Variants in TSPAN11 observed in about 807,000 individuals in gnomAD.
TSPAN11 encodes tetraspanin 11.
A neutral mutation model predicts 32.9 loss-of-function variants in TSPAN11; 29 were observed. The ratio of observed to expected loss-of-function variants is 0.88; its 90% CI spans 0.66 to 1.20. The LOEUF (loss-of-function observed/expected upper bound fraction) is 1.20. TSPAN11 is among the 50% of genes most tolerant of loss of function. The pLI is 0.00. For missense variants in TSPAN11, 283 were observed against 329.1 expected, an observed-to-expected ratio of 0.86 and a Z score of 1.08; for synonymous variants, 140 against 141.3, an observed-to-expected ratio of 0.99 and a Z score of 0.07.
chr12:30,976,963 C>T (rs908350781), intron 3 of TSPAN11, among the ~76,000 whole-genome samples: 7 of 152,168 alleles, frequency 4.6e-5, no homozygotes, highest in Non-Finnish European at 8.8e-5. Flanking sequence ...TGCATTTGTG[C>T]TCTTGGCCTC....
intron 1 of TSPAN11, among the ~76,000 whole-genome samples, chr12:30,929,475 T>C (rs1361623776): frequency 6.6e-6 from 1 of 152,192 alleles, no homozygotes; most frequent in African/African-American, 2.4e-5. Flanking sequence ...CCCATCTATA[T>C]CTGAGACAGG....
intron 2 of TSPAN11, 87 bp downstream of exon 2, chr12:30,954,162 T>A (rs751154710): frequency 1.1e-6 from 1 of 926,958 alleles, no homozygotes; most frequent in Non-Finnish European, 1.8e-6. Context: ...CACTTTGAGG[T>A]TGATATCTTC....
chr12:30,950,837 T>C (rs967866693), intron 1 of TSPAN11, among the ~76,000 whole-genome samples: 1 of 152,122 alleles, frequency 6.6e-6, no homozygotes, highest in African/African-American at 2.4e-5. Context: ...AGACATCCCC[T>C]ACACACACAC....
chr12:30,984,468 A>T (rs1414404498), intron 7 of TSPAN11, among the ~76,000 whole-genome samples: 1 of 149,720 alleles, frequency 6.7e-6, no homozygotes, highest in African/African-American at 2.5e-5. Context: ...TAGACTTCAG[A>T]GGATTTCTGA....
chr12:30,926,841 G>C (rs533512942), intron 1 of TSPAN11, 45 bp downstream of exon 1: 1 of 916,646 alleles, frequency 1.1e-6, no homozygotes, highest in East Asian at 8.3e-5. Flanking sequence ...CCGCGGGAGG[G>C]GGCTGGGGGT....
At chr12:30,987,468 A>C (rs1025912088) in intron 7 of TSPAN11, among the ~76,000 whole-genome samples, 15 of 152,138 alleles carry the variant, frequency 9.9e-5, no homozygotes, top group African/African-American at 3.6e-4. Flanking sequence ...TTAGCTGGGC[A>C]TGGAGGCGCG....
In TSPAN11 at chr12:30,930,143, A is replaced by T. The variant is rs532022133; in HGVS notation, c.-12+3347A>T. 2.6e-5 allele frequency among the ~76,000 whole-genome samples: 4 copies of T among 152,274 alleles called. No homozygotes were observed. The East Asian group carries it at 5.8e-4, about 22-fold the overall frequency. On this transcript the variant is annotated intron_variant, in intron 1 of 7. Coordinates refer to ENST00000546076, the MANE Select transcript of TSPAN11 (RefSeq NM_001370302.1). ...CTGACTCTGGTGGGTTTCTGGGCTC[A>T]TAGGTTTATACTCACAAGATGGCAC...
At chr12:30,971,191 G>C (rs1408320414) in intron 3 of TSPAN11, among the ~76,000 whole-genome samples, 1 of 152,170 alleles carries the variant, frequency 6.6e-6, no homozygotes, top group Non-Finnish European at 1.5e-5. Flanking sequence ...TTGGCAGGAA[G>C]CTTCACAAAC....
intron 4 of TSPAN11, 72 bp downstream of exon 4, chr12:30,978,707 A>G: frequency 6.6e-7 from 1 of 1,521,264 alleles, no homozygotes; most frequent in Non-Finnish European, 9.1e-7. Flanking sequence ...GGAGGTTTGC[A>G]TTGTGATGAG....
At chr12:30,942,848 G>T (rs954591939) in intron 1 of TSPAN11, among the ~76,000 whole-genome samples, 1 of 152,138 alleles carries the variant, frequency 6.6e-6, no homozygotes, top group African/African-American at 2.4e-5. Context: ...CACCATCCAT[G>T]TGACTCTGTA....
chr12:30,982,753 C>A, intron 6 of TSPAN11, 63 bp downstream of exon 6: 1 of 1,501,486 alleles, frequency 6.7e-7, no homozygotes. Flanking sequence ...TCAGGAGCCC[C>A]AGAAAGGCTG....
At chr12:30,962,554 C>A (rs1433162220) in intron 2 of TSPAN11, among the ~76,000 whole-genome samples, 3 of 152,198 alleles carry the variant, frequency 2.0e-5, no homozygotes, top group African/African-American at 7.2e-5. Flanking sequence ...TTCGTTTGCT[C>A]AACGGATGTC....
At chr12:31,003,352 T>C in the TSPAN11 span, among the ~76,000 whole-genome samples, 1 of 152,176 alleles carries the variant, frequency 6.6e-6, no homozygotes, top group Admixed American at 6.5e-5. Context: ...TAATGTAGAC[T>C]TGGCCAAATG....
rs532366304 is a variant in TSPAN11, at chr12:30,953,051, C to A, written c.-11-930C>A. 1.3e-4 allele frequency among the ~76,000 whole-genome samples: 20 copies of A among 152,284 alleles called. No individual in the cohort carries two copies. The East Asian group carries it at 2.5e-3, about 19-fold the overall frequency. ...AGTAGGCCCTCTCTGCCTGTATCAC[C>A]ACCATTGATGTCATACTTCCCAGAG... On this transcript the variant is annotated intron_variant, in intron 1 of 7. Coordinates refer to ENST00000546076, the MANE Select transcript of TSPAN11 (RefSeq NM_001370302.1).
At position 30,982,710 on chromosome 12, in the gene TSPAN11, T is replaced by G; in HGVS notation, c.615+20T>G. The G allele has an allele frequency of 1.3e-6, 2 of 1,537,986 alleles. No homozygotes were observed. Among genetic ancestry groups the G allele is most frequent in the Non-Finnish European group, 1.8e-6 (2 of 1,136,272 alleles). On this transcript the variant is annotated intron_variant, in intron 6 of 7. Coordinates refer to ENST00000546076, the MANE Select transcript of TSPAN11 (RefSeq NM_001370302.1). ...GTGGAGGTGAGCACCCAAGCTCAAGTTGGGGGTGAGGAGAGGGCCCTGGCC... is the reference window on the plus strand; with the variant it reads ...GTGGAGGTGAGCACCCAAGCTCAAGGTGGGGGTGAGGAGAGGGCCCTGGCC...
At chr12:30,957,450 A>G (rs985800268) in intron 2 of TSPAN11, among the ~76,000 whole-genome samples, 1 of 152,146 alleles carries the variant, frequency 6.6e-6, no homozygotes, top group Non-Finnish European at 1.5e-5. Context: ...CTTCCCGGCC[A>G]AGCAGCTTCA....
intron 6 of TSPAN11, 124 bp downstream of exon 6, chr12:30,982,814 C>A: frequency 1.5e-6 from 2 of 1,376,336 alleles, no homozygotes; most frequent in Non-Finnish European, 2.0e-6. Context: ...TCCTTGGCCA[C>A]GAGCCCACAG....
At chr12:30,959,191 C>T (rs975799897) in intron 2 of TSPAN11, among the ~76,000 whole-genome samples, 2 of 152,170 alleles carry the variant, frequency 1.3e-5, no homozygotes, top group East Asian at 1.9e-4. Flanking sequence ...TGTGCTGGGC[C>T]GCGTTCTGAG....
chr12:30,963,588 C>T (rs1938658432), intron 2 of TSPAN11, among the ~76,000 whole-genome samples: 4 of 152,228 alleles, frequency 2.6e-5, no homozygotes. Flanking sequence ...ACCGAATTCA[C>T]AGTCGGACCT....
Sources: allele counts gnomAD v4.1 joint callset (sites outside exome capture counted in the v4.1 genomes callset), GRCh38; gene constraint gnomAD v4.1.1; transcripts MANE v1.5; gene names NCBI Gene and HGNC (gene_info 2026-07-23, HGNC 2026-07-21).